The following NFAT5 variants were observed in gnomAD, a reference collection of about 807,000 sequenced individuals.
The protein encoded by NFAT5 is nuclear factor of activated T-cells 5.
NFAT5 carries 31 observed loss-of-function variants against 166.5 expected under a neutral mutation model. The ratio of observed to expected loss-of-function variants is 0.19; its 90% CI spans 0.14 to 0.25. The LOEUF (loss-of-function observed/expected upper bound fraction) is 0.25. Ranked by LOEUF, NFAT5 falls within the 10% of genes least tolerant of loss-of-function variation. NFAT5 has a pLI of 1.00. For synonymous variants in NFAT5, 612 were observed against 639.7 expected (o/e 0.96, Z 0.65); for missense variants, 1,449 against 1,821.8 (o/e 0.80, Z 3.72).
At chr16:69,689,707 G>A (rs2037473455) in intron 11 of NFAT5, among the ~76,000 whole-genome samples, 1 of 152,066 alleles carries the variant, frequency 6.6e-6, no homozygotes, top group Non-Finnish European at 1.5e-5. Context: ...ACCATGCCCT[G>A]CTAATTTTTG....
chr16:69,589,545 A>T (rs1031299794), intron 2 of NFAT5, among the ~76,000 whole-genome samples: 10 of 152,308 alleles, frequency 6.6e-5, no homozygotes, highest in East Asian at 3.9e-4. Flanking sequence ...GGCAAAAAAA[A>T]TTTTAGCAGT....
rs2035495826 is a variant in NFAT5 at position 69,647,665 on chromosome 16, T to G, written c.812+79T>G. Reference sequence around the variant, plus strand: ...AAAAAAAATTCCCAATTTTTCCTAATTGCTGAGCTCAAGTTTGCATATAAA... The same window carrying G: ...AAAAAAAATTCCCAATTTTTCCTAAGTGCTGAGCTCAAGTTTGCATATAAA... On this transcript the variant is annotated intron_variant, in intron 4 of 14. Coordinates refer to ENST00000349945, the MANE Select transcript of NFAT5 (RefSeq NM_138713.4). This position sits in a 1 kb window ranked among gnomAD's most constrained non-coding sequence, Gnocchi z 4.8. 1.5e-6 allele frequency: 2 copies of G among 1,309,206 alleles called. No homozygotes were observed. The highest frequency in any genetic ancestry group is 2.1e-6 in the Non-Finnish European group (2 of 964,274). 81.1% of individuals were successfully genotyped at this position (1,309,206 alleles called of 1,614,324 possible).
At position 69,569,216 on chromosome 16, in the gene NFAT5, G is replaced by T. The variant is rs569509012; in HGVS notation, c.127+668G>T. On this transcript the variant is annotated intron_variant, in intron 2 of 14. Transcript: ENST00000349945. ...GTCTTGTGTTTTTGTAGATTTTGAA[G>T]TGATTTCACATATATCATCTTTAAA... 1.4e-4 allele frequency among the ~76,000 whole-genome samples: 21 copies of T among 151,748 alleles called. No individual in the cohort carries two copies. In the South Asian group the frequency reaches 4.0e-3, roughly 29 times the overall value.
At chr16:69,648,336 T>C (rs2035533221) in intron 4 of NFAT5, 1 of 983,822 alleles carries the variant, frequency 1.0e-6, no homozygotes, top group Non-Finnish European at 1.2e-6. Context: ...TTTTTTCTCT[T>C]TAATTGATGA....
chr16:69,676,248 T>C (rs1027212698), intron 9 of NFAT5, among the ~76,000 whole-genome samples: 1 of 152,174 alleles, frequency 6.6e-6, no homozygotes, highest in Non-Finnish European at 1.5e-5. Context: ...CAAATATGGC[T>C]CATATTACCC....
intron 4 of NFAT5, among the ~76,000 whole-genome samples, chr16:69,650,568 T>C (rs2035622895): frequency 1.3e-5 from 2 of 152,150 alleles, no homozygotes; most frequent in South Asian, 2.1e-4. Flanking sequence ...CTCACTTTCA[T>C]TTATTTGCCC....
At chr16:69,648,193 C>G (rs907924682) in intron 4 of NFAT5, 11 of 811,070 alleles carry the variant, frequency 1.4e-5, no homozygotes, top group Admixed American at 1.3e-4. Flanking sequence ...AAAAAAACAC[C>G]AAAAAAAAAA....
chr16:69,646,540 GTC>G, intron 3 of NFAT5: 1 of 1,263,684 alleles, frequency 7.9e-7, no homozygotes, highest in Non-Finnish European at 1.0e-6. Flanking sequence ...AGCAGGGAGT[GTC>G]TGCATTAAAA....
At chr16:69,573,016 T>A (rs2016530794) in intron 2 of NFAT5, among the ~76,000 whole-genome samples, 1 of 152,142 alleles carries the variant, frequency 6.6e-6, no homozygotes, top group Non-Finnish European at 1.5e-5. Flanking sequence ...CTAATTTTTG[T>A]ATTTTTAGTA....
intron 2 of NFAT5, among the ~76,000 whole-genome samples, chr16:69,606,528 A>G (rs2033418964): frequency 6.6e-6 from 1 of 152,178 alleles, no homozygotes; most frequent in African/African-American, 2.4e-5. Context: ...CTGCAGTCCA[A>G]GTACTTACTA....
intron 3 of NFAT5, among the ~76,000 whole-genome samples, chr16:69,641,380 T>G (rs958833297): frequency 6.6e-6 from 1 of 152,128 alleles, no homozygotes; most frequent in Non-Finnish European, 1.5e-5. Flanking sequence ...TTCCACTATT[T>G]GTTCACTTAG....
In NFAT5 at chr16:69,684,873, CT is replaced by C. The variant is rs543739817; in HGVS notation, c.1691-6del. 7.8e-5 allele frequency: 122 copies of C among 1,568,906 alleles called. No individual in the cohort carries two copies. Among genetic ancestry groups the C allele is most frequent in the African/African-American group, 5.2e-4 (38 of 73,272 alleles). On this transcript the variant is annotated splice_polypyrimidine_tract_variant and intron_variant, in intron 10 of 14. Transcript: ENST00000349945. Reference sequence around the variant, plus strand: ...AGTAAATGTAGATAAATACATTAATCTTTTTTTTAATAGCAGCAGCTGGTGC... The same window carrying C: ...AGTAAATGTAGATAAATACATTAATCTTTTTTTAATAGCAGCAGCTGGTGC...
intron 2 of NFAT5, among the ~76,000 whole-genome samples, chr16:69,571,926 A>AT (rs1253211151): frequency 3.3e-5 from 5 of 151,412 alleles, no homozygotes; most frequent in Non-Finnish European, 5.9e-5. Context: ...CGCCCGGCTA[A>AT]TTTTTTTTGG....
intron 2 of NFAT5, among the ~76,000 whole-genome samples, chr16:69,588,185 C>T (rs868352372): frequency 1.3e-4 from 20 of 152,020 alleles, no homozygotes; most frequent in Middle Eastern, 6.8e-3. Context: ...TTGCTGACCT[C>T]GTGATCCACC....
chr16:69,622,842 A>G (rs1222635948), intron 2 of NFAT5, among the ~76,000 whole-genome samples: 1 of 151,722 alleles, frequency 6.6e-6, no homozygotes, highest in Non-Finnish European at 1.5e-5. Context: ...GAAAAAAAAA[A>G]AAAAGAAAAA....
At chr16:69,617,798 A>G (rs16958997) in intron 2 of NFAT5, among the ~76,000 whole-genome samples, 24,537 of 151,992 alleles carry the variant, frequency 0.16, 2,159 homozygotes, top group East Asian at 0.36. Context: ...GGCTGAACAT[A>G]ATTTTAAAGT....
At chr16:69,596,311 GT>G (rs1359138338) in intron 2 of NFAT5, among the ~76,000 whole-genome samples, 1 of 152,126 alleles carries the variant, frequency 6.6e-6, no homozygotes, top group Non-Finnish European at 1.5e-5. Flanking sequence ...TTCATTTAAT[GT>G]TTTTGACATC....
At chr16:69,592,288 C>T (rs937282115) in intron 2 of NFAT5, among the ~76,000 whole-genome samples, 2 of 152,142 alleles carry the variant, frequency 1.3e-5, no homozygotes, top group African/African-American at 4.8e-5. Context: ...CCATGTTGGC[C>T]AGGCTGGTCT....
At chr16:69,624,903 TAAA>T (rs376117061) in intron 2 of NFAT5, among the ~76,000 whole-genome samples, 47 of 140,108 alleles carry the variant, frequency 3.4e-4, no homozygotes, top group South Asian at 2.1e-3. Flanking sequence ...TTCTTTTTTT[TAAA>T]AAAAAAAAAA....
Sources: allele counts gnomAD v4.1 joint callset (sites outside exome capture counted in the v4.1 genomes callset), GRCh38; gene constraint gnomAD v4.1.1; non-coding constraint Gnocchi (gnomAD v3.1); transcripts MANE v1.5; gene names NCBI Gene and HGNC (gene_info 2026-07-23, HGNC 2026-07-21).